The following ADGRL2 variants were observed in gnomAD, a reference collection of about 807,000 sequenced individuals.
The protein encoded by ADGRL2 is adhesion G protein-coupled receptor L2.
Under a neutral mutation model 157.4 loss-of-function variants are expected in ADGRL2, and 44 were observed. That is an observed-to-expected ratio of 0.28 (90% CI 0.22 to 0.36). The LOEUF (loss-of-function observed/expected upper bound fraction) is 0.36, where lower values mean the gene tolerates loss of function less well. ADGRL2 is among the 10% of genes least tolerant of loss of function. The probability of loss-of-function intolerance (pLI) is 1.00; values close to 1 mark genes in which losing one functional copy is unlikely to be tolerated. For missense variants in ADGRL2, 1,510 were observed against 1,768.9 expected (o/e 0.85, Z 2.63); for synonymous variants, 585 against 624.7 (o/e 0.94, Z 0.95).
At chr1:81,314,699 A>G (rs1281040086) in intron 1 of ADGRL2, among the ~76,000 whole-genome samples, 2 of 152,178 alleles carry the variant, frequency 1.3e-5, no homozygotes, top group African/African-American at 2.4e-5. Flanking sequence ...CTTTAATGAG[A>G]TAAAATAGTG....
At chr1:81,462,619 C>G (rs183223239) in intron 2 of ADGRL2, among the ~76,000 whole-genome samples, 47 of 152,274 alleles carry the variant, frequency 3.1e-4, no homozygotes, top group Non-Finnish European at 5.4e-4. Flanking sequence ...GATTTTTACT[C>G]AGTTATTGTT....
At chr1:81,391,074 C>T (rs933560367) in intron 1 of ADGRL2, among the ~76,000 whole-genome samples, 5 of 152,402 alleles carry the variant, frequency 3.3e-5, no homozygotes, top group Admixed American at 1.3e-4. Flanking sequence ...TCATTTTAAG[C>T]TTTAGTTTAG....
chr1:81,345,298 A>ATT lies in ADGRL2; in HGVS notation c.-302+38790_-302+38791dup, dbSNP rs1215574003. On this transcript the variant is annotated intron_variant, in intron 1 of 24. Coordinates refer to the ADGRL2 transcript ENST00000370721. Reference sequence around the variant, plus strand: ...TGGGCCACCTCCAAGCCTAGGCTGCATTCTCTCTCTCTCTCTTCCTGGTGC... The same window carrying ATT: ...TGGGCCACCTCCAAGCCTAGGCTGCATTTTCTCTCTCTCTCTCTTCCTGGTGC... Among the ~76,000 whole-genome samples the ATT allele has an allele frequency of 2.6e-5, 4 of 152,170 alleles. No individual in the cohort carries two copies. In the East Asian group the frequency reaches 7.7e-4, roughly 29 times the overall value.
At chr1:81,723,605 T>C (rs745940190) in intron 1 of ADGRL2, among the ~76,000 whole-genome samples, 30 of 152,236 alleles carry the variant, frequency 2.0e-4, no homozygotes, top group Non-Finnish European at 4.0e-4. Context: ...AAACATTGTA[T>C]TGGATATGTG....
chr1:81,361,084 G>C (rs2075970370), intron 1 of ADGRL2, among the ~76,000 whole-genome samples: 1 of 151,692 alleles, frequency 6.6e-6, no homozygotes, highest in Admixed American at 6.6e-5. Flanking sequence ...TTTCCCTTCA[G>C]TCTTATATTT....
At chr1:81,600,762 C>T (rs1489116776) in intron 3 of ADGRL2, among the ~76,000 whole-genome samples, 1 of 152,188 alleles carries the variant, frequency 6.6e-6, no homozygotes, top group African/African-American at 2.4e-5. Context: ...TCAAGACAGA[C>T]TAGTGGTGTA....
intron 3 of ADGRL2, among the ~76,000 whole-genome samples, chr1:81,596,777 C>T (rs1482851710): frequency 6.6e-6 from 1 of 151,922 alleles, no homozygotes; most frequent in Non-Finnish European, 1.5e-5. Flanking sequence ...AAAAATTCCC[C>T]ACACATTTGC....
At chr1:81,616,960 G>A in intron 3 of ADGRL2, among the ~76,000 whole-genome samples, 1 of 152,138 alleles carries the variant, frequency 6.6e-6, no homozygotes, top group East Asian at 1.9e-4. Context: ...TTACAGGTGT[G>A]AGCCACTGCG....
At chr1:81,758,083 C>T (rs576474417) in intron 1 of ADGRL2, among the ~76,000 whole-genome samples, 57 of 152,282 alleles carry the variant, frequency 3.7e-4, no homozygotes, top group Admixed American at 2.0e-3. Flanking sequence ...TTGGTTACAA[C>T]GTTCCTTTAT....
chr1:81,830,542 C>T (rs1348712398), intron 1 of ADGRL2, among the ~76,000 whole-genome samples: 1 of 152,174 alleles, frequency 6.6e-6, no homozygotes, highest in East Asian at 1.9e-4. Context: ...GAGTCTCGCT[C>T]TGTCTCCTGG....
intron 1 of ADGRL2, among the ~76,000 whole-genome samples, chr1:81,821,956 A>G (rs1214684421): frequency 6.6e-6 from 1 of 151,164 alleles, no homozygotes; most frequent in Non-Finnish European, 1.5e-5. Flanking sequence ...TTTTTTCAGT[A>G]GGCTCTGTAA....
At chr1:81,875,325 GTAGT>G (rs2093810158) in intron 2 of ADGRL2, among the ~76,000 whole-genome samples, 1 of 152,122 alleles carries the variant, frequency 6.6e-6, no homozygotes, top group Non-Finnish European at 1.5e-5. Flanking sequence ...AGTGGCTGGA[GTAGT>G]TATTCGTATG....
At chr1:81,769,447 A>G (rs1465879651) in intron 2 of ADGRL2, among the ~76,000 whole-genome samples, 1 of 152,120 alleles carries the variant, frequency 6.6e-6, no homozygotes. Flanking sequence ...TGAATAGTTT[A>G]TATTTCCCTA....
intron 1 of ADGRL2, among the ~76,000 whole-genome samples, chr1:81,324,904 A>G (rs1660787905): frequency 6.6e-6 from 1 of 151,934 alleles, no homozygotes; most frequent in Admixed American, 6.6e-5. Flanking sequence ...TTTAGTAGAG[A>G]CGGGGTTTTA....
intron 2 of ADGRL2, among the ~76,000 whole-genome samples, chr1:81,888,687 C>T (rs866935491): frequency 6.6e-5 from 10 of 152,184 alleles, no homozygotes; most frequent in African/African-American, 9.6e-5. Context: ...CTCCTGACCT[C>T]GTGATCTGCC....
intron 3 of ADGRL2, among the ~76,000 whole-genome samples, chr1:81,609,398 A>G (rs1237580827): frequency 6.6e-6 from 1 of 152,178 alleles, no homozygotes; most frequent in African/African-American, 2.4e-5. Flanking sequence ...CCCACTTGAT[A>G]CAAGTAACTC....
At chr1:81,965,265 AT>A (rs1225953380) in intron 11 of ADGRL2, among the ~76,000 whole-genome samples, 1 of 152,208 alleles carries the variant, frequency 6.6e-6, no homozygotes, top group Non-Finnish European at 1.5e-5. Flanking sequence ...TCTCGCAAAT[AT>A]TTAACTGGCA....
At chr1:81,813,993 G>A (rs914006760) in intron 1 of ADGRL2, among the ~76,000 whole-genome samples, 4 of 151,600 alleles carry the variant, frequency 2.6e-5, no homozygotes, top group African/African-American at 7.3e-5. Flanking sequence ...ACTACTGAGC[G>A]ATTTTTAAAA....
At chr1:81,971,666 T>C (rs1010071559) in intron 16 of ADGRL2, among the ~76,000 whole-genome samples, 186 bp from the exon 17 acceptor site, 1 of 128,810 alleles carries the variant, frequency 7.8e-6, no homozygotes, top group African/African-American at 3.0e-5. Flanking sequence ...TTGAAGTAAA[T>C]AAATTATTTT....
Sources: gnomAD v4.1 joint callset for allele counts (sites outside exome capture counted in the v4.1 genomes callset) on GRCh38, gnomAD v4.1.1 for gene constraint, MANE v1.5 for transcripts, NCBI Gene and HGNC (gene_info 2026-07-23, HGNC 2026-07-21) for gene names.